ADGRF5: variants seen among roughly 807,000 people sequenced by gnomAD.
ADGRF5 encodes the protein G-protein coupled receptor 116.
A neutral mutation model predicts 132.3 loss-of-function variants in ADGRF5; 75 were observed. That is an observed-to-expected ratio of 0.57 (90% CI 0.47 to 0.69). The LOEUF (loss-of-function observed/expected upper bound fraction) is 0.69, where lower values mean the gene tolerates loss of function less well. Ranked by LOEUF, ADGRF5 falls within the 30% of genes least tolerant of loss-of-function variation. ADGRF5 has a pLI of 0.00. For missense variants in ADGRF5, 1,516 were observed against 1,630.6 expected (o/e 0.93, Z 1.21); for synonymous variants, 629 against 597.6 (o/e 1.05, Z -0.77).
At chr6:46,944,553 A>G (rs1778226485) in intron 1 of ADGRF5, among the ~76,000 whole-genome samples, 1 of 152,184 alleles carries the variant, frequency 6.6e-6, no homozygotes. Flanking sequence ...GCCCAGAGAT[A>G]TGCATTTTGA....
At chr6:46,936,830 A>C (rs1047021253) in intron 1 of ADGRF5, among the ~76,000 whole-genome samples, 1 of 152,120 alleles carries the variant, frequency 6.6e-6, no homozygotes, top group Non-Finnish European at 1.5e-5. Flanking sequence ...GTAGTATGGA[A>C]GCACTGGAGA....
intron 3 of ADGRF5, among the ~76,000 whole-genome samples, chr6:46,897,258 T>C (rs1453261982): frequency 6.6e-6 from 1 of 151,718 alleles, no homozygotes; most frequent in Non-Finnish European, 1.5e-5. Flanking sequence ...AGAATAAATA[T>C]AAGTATTGAT....
intron 16 of ADGRF5, among the ~76,000 whole-genome samples, chr6:46,860,389 C>T (rs767216900): frequency 6.6e-6 from 1 of 152,188 alleles, no homozygotes; most frequent in African/African-American, 2.4e-5. Context: ...TTAAAGTTCA[C>T]ATTTAGTGCT....
chr6:46,913,409 G>T (rs2396801), intron 1 of ADGRF5, among the ~76,000 whole-genome samples: 1 of 152,006 alleles, frequency 6.6e-6, no homozygotes, highest in Non-Finnish European at 1.5e-5. Flanking sequence ...TGAGGCAGGA[G>T]AATTGCTTCA....
intron 1 of ADGRF5, among the ~76,000 whole-genome samples, chr6:46,914,843 T>C (rs186223089): frequency 7.8e-4 from 118 of 151,888 alleles, no homozygotes; most frequent in African/African-American, 2.8e-3. Flanking sequence ...TTGTTGTTTG[T>C]TTTTATTTTT....
upstream of ADGRF5, among the ~76,000 whole-genome samples, chr6:46,924,272 G>A (rs566187779): frequency 1.2e-4 from 19 of 152,288 alleles, 3 homozygotes; most frequent in African/African-American, 4.6e-4. Flanking sequence ...CACACTGCCA[G>A]ATGCATGTCT....
chr6:46,901,254 G>A (rs1774735488), intron 2 of ADGRF5, among the ~76,000 whole-genome samples: 2 of 152,080 alleles, frequency 1.3e-5, no homozygotes, highest in African/African-American at 4.8e-5. Flanking sequence ...ACCTTGACCT[G>A]ACAAGGATTT....
chr6:46,877,293 C>T (rs571043), intron 10 of ADGRF5, among the ~76,000 whole-genome samples: 7,083 of 57,252 alleles, frequency 0.12, 235 homozygotes, highest in East Asian at 0.18. Context: ...CTTTCTTTCT[C>T]TCTCTCTCTC....
At chr6:46,904,257 A>T (rs531769412) in intron 2 of ADGRF5, among the ~76,000 whole-genome samples, 1 of 152,338 alleles carries the variant, frequency 6.6e-6, no homozygotes, top group East Asian at 1.9e-4. Context: ...ATTCACGTTC[A>T]TAGGCACATT....
At chr6:46,914,958 C>A (rs1776302565) in intron 1 of ADGRF5, among the ~76,000 whole-genome samples, 1 of 151,832 alleles carries the variant, frequency 6.6e-6, no homozygotes, top group African/African-American at 2.4e-5. Context: ...GGGGTTCAAG[C>A]GATTCTCCTG....
chr6:46,923,852 C>G (rs1777119845), upstream of ADGRF5, among the ~76,000 whole-genome samples: 3 of 152,206 alleles, frequency 2.0e-5, no homozygotes, highest in Admixed American at 2.0e-4. Context: ...AGAGACCCTG[C>G]CCTGTCGTAG....
intron 3 of ADGRF5, 128 bp downstream of exon 3, chr6:46,899,901 C>A: frequency 1.5e-6 from 1 of 656,552 alleles, no homozygotes; most frequent in Non-Finnish European, 2.7e-6. Flanking sequence ...TTTTGGAAAT[C>A]ACACTGCACT....
intron 4 of ADGRF5, among the ~76,000 whole-genome samples, chr6:46,887,534 C>T (rs1009857180): frequency 3.9e-5 from 6 of 152,084 alleles, no homozygotes; most frequent in Non-Finnish European, 5.9e-5. Context: ...GCTATGACTT[C>T]GAGTAACATA....
intron 1 of ADGRF5, among the ~76,000 whole-genome samples, chr6:46,929,249 A>C (rs1777417148): frequency 6.6e-6 from 1 of 152,056 alleles, no homozygotes; most frequent in African/African-American, 2.4e-5. Flanking sequence ...AGGACAAAAA[A>C]CCAAACACCT....
intron 1 of ADGRF5, among the ~76,000 whole-genome samples, chr6:46,951,042 T>G (rs1778480349): frequency 6.6e-6 from 1 of 152,240 alleles, no homozygotes; most frequent in African/African-American, 2.4e-5. Context: ...GATCTCAAAT[T>G]ATAGCCTGAG....
intron 1 of ADGRF5, among the ~76,000 whole-genome samples, chr6:46,931,849 G>A (rs1021763758): frequency 1.3e-5 from 2 of 152,210 alleles, no homozygotes; most frequent in African/African-American, 4.8e-5. Context: ...GAACCTGGGA[G>A]GCAGAGGTTG....
At chr6:46,929,017 A>C (rs920504305) in intron 1 of ADGRF5, among the ~76,000 whole-genome samples, 1 of 152,206 alleles carries the variant, frequency 6.6e-6, no homozygotes, top group Non-Finnish European at 1.5e-5. Context: ...ATTATAAATC[A>C]TGCTGCTATA....
intron 12 of ADGRF5, among the ~76,000 whole-genome samples, chr6:46,867,796 C>CG (rs1004241002): frequency 3.7e-4 from 3 of 8,098 alleles, no homozygotes; most frequent in African/African-American, 4.1e-4. Context: ...ATTCCTGCTG[C>CG]GGGGGGGAAG....
chr6:46,901,638 T>C (rs1774776251), intron 2 of ADGRF5, among the ~76,000 whole-genome samples: 1 of 152,180 alleles, frequency 6.6e-6, no homozygotes, highest in African/African-American at 2.4e-5. Flanking sequence ...ACACAGACTT[T>C]AAAGGCAGAG....
Sources: gnomAD v4.1 joint callset for allele counts (sites outside exome capture counted in the v4.1 genomes callset) on GRCh38, gnomAD v4.1.1 for gene constraint, MANE v1.5 for transcripts, NCBI Gene and HGNC (gene_info 2026-07-23, HGNC 2026-07-21) for gene names.